The following DNAJC6 variants were observed in gnomAD, a reference collection of about 807,000 sequenced individuals.
The protein encoded by DNAJC6 is DnaJ heat shock protein family (Hsp40) member C6.
In DNAJC6, 34 loss-of-function variants were observed where a neutral mutation model predicts 110.0. The ratio of observed to expected loss-of-function variants is 0.31; its 90% CI spans 0.24 to 0.41. DNAJC6 has a LOEUF of 0.41. Among genes scored for constraint, DNAJC6 ranks in the 10% least tolerant of loss-of-function variants. DNAJC6 has a pLI of 1.00. For missense variants in DNAJC6, 1,031 were observed against 1,207.8 expected, an observed-to-expected ratio of 0.85 and a Z score of 2.17; for synonymous variants, 406 against 437.2, an observed-to-expected ratio of 0.93 and a Z score of 0.89.
intron 1 of DNAJC6, among the ~76,000 whole-genome samples, chr1:65,313,210 G>A (rs979727167): frequency 1.3e-5 from 2 of 150,538 alleles, no homozygotes; most frequent in African/African-American, 4.9e-5. Flanking sequence ...GAACCACCAT[G>A]CCTGGCTAAT....
intron 1 of DNAJC6, among the ~76,000 whole-genome samples, chr1:65,336,285 C>T (rs1279237405): frequency 1.3e-5 from 2 of 152,092 alleles, no homozygotes; most frequent in Non-Finnish European, 2.9e-5. Context: ...GAACTCACCA[C>T]TATCACGAGA....
chr1:65,391,563 G>C (rs1645926290), intron 11 of DNAJC6, among the ~76,000 whole-genome samples: 3 of 152,094 alleles, frequency 2.0e-5, no homozygotes, highest in Admixed American at 2.0e-4. Context: ...GACTGTTAGA[G>C]AAGGGATTTG....
intron 1 of DNAJC6, among the ~76,000 whole-genome samples, chr1:65,362,830 G>T (rs1645610966): frequency 6.6e-6 from 1 of 152,178 alleles, no homozygotes; most frequent in Non-Finnish European, 1.5e-5. Context: ...GCCTGCATAG[G>T]TTAGGTTGTG....
intron 1 of DNAJC6, among the ~76,000 whole-genome samples, chr1:65,290,057 G>A (rs1425945059): frequency 2.0e-5 from 3 of 151,986 alleles, no homozygotes; most frequent in African/African-American, 4.8e-5. Flanking sequence ...TGATCCACCC[G>A]CCTCGGCCTC....
At chr1:65,363,068 C>A (rs1645613054) in intron 1 of DNAJC6, among the ~76,000 whole-genome samples, 1 of 152,118 alleles carries the variant, frequency 6.6e-6, no homozygotes, top group Non-Finnish European at 1.5e-5. Flanking sequence ...TACATGATGG[C>A]AGGACAGAGA....
intron 1 of DNAJC6, among the ~76,000 whole-genome samples, chr1:65,334,014 A>G (rs549606435): frequency 6.6e-6 from 1 of 152,370 alleles, no homozygotes; most frequent in South Asian, 2.1e-4. Flanking sequence ...CTGAAGATAC[A>G]TTTTGACTTA....
intron 1 of DNAJC6, chr1:65,345,570 A>G (rs1335311231): frequency 6.9e-6 from 5 of 721,438 alleles, no homozygotes; most frequent in Non-Finnish European, 8.5e-6. Flanking sequence ...ACAACACGCT[A>G]GTACTAAATA....
chr1:65,402,741 G>A (rs1330337310), intron 15 of DNAJC6, among the ~76,000 whole-genome samples: 8 of 152,292 alleles, frequency 5.3e-5, no homozygotes, highest in Non-Finnish European at 7.4e-5. Context: ...CCTGGCTACC[G>A]TTGTTGTCTG....
At chr1:65,297,265 C>G (rs943642770) in intron 1 of DNAJC6, among the ~76,000 whole-genome samples, 3 of 152,090 alleles carry the variant, frequency 2.0e-5, no homozygotes, top group African/African-American at 7.2e-5. Context: ...TTAGCTGGTC[C>G]TAGAATGCAG....
At chr1:65,360,023 C>T (rs1054824715) in intron 1 of DNAJC6, among the ~76,000 whole-genome samples, 1 of 152,102 alleles carries the variant, frequency 6.6e-6, no homozygotes, top group African/African-American at 2.4e-5. Context: ...AGTTTGTTAC[C>T]CCTTGATCTA....
chr1:65,362,765 C>T (rs1378164792), intron 1 of DNAJC6, among the ~76,000 whole-genome samples: 6 of 136,898 alleles, frequency 4.4e-5, no homozygotes, highest in East Asian at 4.4e-4. Context: ...CCTACCTGGC[C>T]ACTGTTCACA....
At chr1:65,334,935 G>A (rs1296841380) in intron 1 of DNAJC6, among the ~76,000 whole-genome samples, 1 of 152,058 alleles carries the variant, frequency 6.6e-6, no homozygotes, top group Non-Finnish European at 1.5e-5. Flanking sequence ...AGTCTTAAAG[G>A]GGCATGCAAG....
At chr1:65,291,503 C>T (rs1474777821) in intron 1 of DNAJC6, among the ~76,000 whole-genome samples, 2 of 152,010 alleles carry the variant, frequency 1.3e-5, no homozygotes, top group African/African-American at 4.8e-5. Context: ...GCAGAAGGAC[C>T]TAATTAAATG....
chr1:65,378,436 G>T (rs1452657069), intron 4 of DNAJC6, among the ~76,000 whole-genome samples: 1 of 152,180 alleles, frequency 6.6e-6, no homozygotes, highest in Non-Finnish European at 1.5e-5. Flanking sequence ...ATCACTCTGG[G>T]TGTGTCAGAT....
intron 1 of DNAJC6, among the ~76,000 whole-genome samples, chr1:65,281,879 A>C (rs1050613235): frequency 6.6e-6 from 1 of 151,994 alleles, no homozygotes; most frequent in Non-Finnish European, 1.5e-5. Context: ...AAGTTCTGGG[A>C]CCACGGGCGT....
intron 1 of DNAJC6, among the ~76,000 whole-genome samples, chr1:65,287,663 G>A (rs527340960): frequency 9.9e-5 from 15 of 152,200 alleles, no homozygotes; most frequent in South Asian, 6.2e-4. Flanking sequence ...GTACAGTGGC[G>A]CACAATCAGG....
chr1:65,297,144 G>T (rs1021272920), intron 1 of DNAJC6, among the ~76,000 whole-genome samples: 25 of 152,286 alleles, frequency 1.6e-4, no homozygotes, highest in African/African-American at 6.0e-4. Flanking sequence ...GATCTGAAGG[G>T]CAGGCTGGGA....
At chr1:65,366,287 A>G (rs927330965) in intron 4 of DNAJC6, 91 bp downstream of exon 4, 27 of 1,399,914 alleles carry the variant, frequency 1.9e-5, no homozygotes, top group Non-Finnish European at 2.4e-5. Context: ...GCCCTTAGGC[A>G]TCTGAAGCTG....
At chr1:65,277,442 C>T (rs1653708089) in intron 1 of DNAJC6, among the ~76,000 whole-genome samples, 1 of 152,116 alleles carries the variant, frequency 6.6e-6, no homozygotes, top group African/African-American at 2.4e-5. Flanking sequence ...ATTGTCGACT[C>T]TCACCTCCCA....
Sources: allele counts gnomAD v4.1 joint callset (sites outside exome capture counted in the v4.1 genomes callset), GRCh38; gene constraint gnomAD v4.1.1; transcripts MANE v1.5; gene names NCBI Gene and HGNC (gene_info 2026-07-23, HGNC 2026-07-21).